The following MRTFB variants were observed in gnomAD, a reference collection of about 807,000 sequenced individuals.
MRTFB encodes the protein myocardin related transcription factor B, also known as myocardin-related transcription factor B.
Under a neutral mutation model 104.2 loss-of-function variants are expected in MRTFB, and 29 were observed. The ratio of observed to expected loss-of-function variants is 0.28; its 90% CI spans 0.21 to 0.38. MRTFB has a LOEUF of 0.38. MRTFB is among the 10% of genes least tolerant of loss of function. The pLI, the probability that MRTFB is intolerant of heterozygous loss-of-function variation, is 1.00. For missense variants in MRTFB, 1,270 were observed against 1,341.6 expected (o/e 0.95, Z 0.83); for synonymous variants, 535 against 519.5 (o/e 1.03, Z -0.41).
chr16:14,076,477 G>A (rs781292860), intron 1 of MRTFB, among the ~76,000 whole-genome samples: 23 of 152,194 alleles, frequency 1.5e-4, no homozygotes, highest in Non-Finnish European at 2.8e-4. Flanking sequence ...TTACAGGCAT[G>A]AGCTACTGCA....
At chr16:14,034,868 A>G in the MRTFB span, among the ~76,000 whole-genome samples, 1 of 152,124 alleles carries the variant, frequency 6.6e-6, no homozygotes, top group Non-Finnish European at 1.5e-5. Context: ...AGGCCTGTTC[A>G]GCAACTAGGA....
At chr16:14,011,950 C>T in the MRTFB span, among the ~76,000 whole-genome samples, 3 of 152,124 alleles carry the variant, frequency 2.0e-5, no homozygotes, top group African/African-American at 7.2e-5. Flanking sequence ...TGGGAATTGC[C>T]CTTGGACAGG....
chr16:14,196,972 T>C (rs908822602), intron 3 of MRTFB, among the ~76,000 whole-genome samples: 40 of 139,888 alleles, frequency 2.9e-4, no homozygotes, highest in African/African-American at 8.4e-4. Context: ...TTCTTTTTTT[T>C]TTTTTTTTTT....
intron 3 of MRTFB, among the ~76,000 whole-genome samples, chr16:14,176,213 C>T (rs1472280569): frequency 3.9e-5 from 6 of 152,128 alleles, no homozygotes; most frequent in African/African-American, 9.7e-5. Context: ...GCCTGGACTG[C>T]TAAATACAAG....
chr16:14,078,106 G>A (rs781574237), intron 1 of MRTFB, among the ~76,000 whole-genome samples: 2 of 151,942 alleles, frequency 1.3e-5, no homozygotes, highest in African/African-American at 2.4e-5. Context: ...ATAGTGCTAC[G>A]TAATTCTGCC....
chr16:14,186,793 G>C (rs534809397), intron 3 of MRTFB: 2 of 1,545,988 alleles, frequency 1.3e-6, no homozygotes, highest in African/African-American at 2.8e-5. Flanking sequence ...GCCAGTGATT[G>C]GGGTATTGTG....
intron 3 of MRTFB, among the ~76,000 whole-genome samples, chr16:14,162,360 G>GT (rs201434158): frequency 0.088 from 13,401 of 151,444 alleles, 1,218 homozygotes; most frequent in African/African-American, 0.23. Context: ...AAGATGATGG[G>GT]TTTTTTTTAA....
chr16:14,124,340 G>A (rs1195450518), intron 2 of MRTFB, among the ~76,000 whole-genome samples: 2 of 152,108 alleles, frequency 1.3e-5, no homozygotes, highest in East Asian at 3.8e-4. Context: ...CTTGTCTTGT[G>A]CCAGTTTTCA....
the MRTFB span, among the ~76,000 whole-genome samples, chr16:14,009,004 A>C: frequency 1.5e-5 from 2 of 135,562 alleles, no homozygotes; most frequent in Non-Finnish European, 3.3e-5. Flanking sequence ...GCTGGAGTAC[A>C]GTGGCCAGAT....
chr16:14,156,554 C>G (rs1022582565), intron 3 of MRTFB, among the ~76,000 whole-genome samples: 21 of 152,274 alleles, frequency 1.4e-4, no homozygotes, highest in African/African-American at 3.4e-4. Context: ...ATAGAAGATA[C>G]CGTGCTAGGG....
intron 3 of MRTFB, chr16:14,192,000 T>C (rs963057263): frequency 6.6e-6 from 1 of 152,234 alleles, no homozygotes; most frequent in Admixed American, 6.5e-5. Context: ...TTGATTTCTT[T>C]TGGAATGTCT....
At chr16:14,248,190 C>T (rs931448588) in intron 12 of MRTFB, 6 of 152,192 alleles carry the variant, frequency 3.9e-5, no homozygotes, top group East Asian at 1.9e-4. Context: ...ATGTATTTAC[C>T]GTGTCATGCA....
At chr16:14,052,873 C>T in the MRTFB span, among the ~76,000 whole-genome samples, 4 of 152,168 alleles carry the variant, frequency 2.6e-5, no homozygotes, top group African/African-American at 9.7e-5. Context: ...CCAACCTGTC[C>T]TCATCCCCAC....
At chr16:14,082,847 C>A (rs1335677386) in intron 2 of MRTFB, among the ~76,000 whole-genome samples, 1 of 152,028 alleles carries the variant, frequency 6.6e-6, no homozygotes, top group East Asian at 1.9e-4. Flanking sequence ...TGTTCATATC[C>A]TTTGGTAGTT....
At chr16:14,002,473 A>G in the MRTFB span, among the ~76,000 whole-genome samples, 2 of 146,952 alleles carry the variant, frequency 1.4e-5, no homozygotes, top group African/African-American at 5.0e-5. Flanking sequence ...AATTAAAACA[A>G]CTGAAAACAA....
At chr16:14,242,489 C>T (rs552742466) in intron 10 of MRTFB, among the ~76,000 whole-genome samples, 4 of 152,262 alleles carry the variant, frequency 2.6e-5, no homozygotes, top group South Asian at 2.1e-4. Flanking sequence ...TGTTTCCTAA[C>T]GCATTGTTTA....
chr16:13,997,631 C>CA, the MRTFB span, among the ~76,000 whole-genome samples: 41,876 of 142,192 alleles, frequency 0.29, 7,171 homozygotes, highest in African/African-American at 0.49. Context: ...CTATCTGTAC[C>CA]AAAAAAAAAA....
intron 2 of MRTFB, among the ~76,000 whole-genome samples, chr16:14,102,793 G>T (rs1041983486): frequency 6.6e-6 from 1 of 152,180 alleles, no homozygotes; most frequent in Non-Finnish European, 1.5e-5. Context: ...ATGCCTTGGA[G>T]TTTAATAATA....
intron 2 of MRTFB, among the ~76,000 whole-genome samples, chr16:14,112,132 G>A (rs200075165): frequency 1.5e-5 from 2 of 135,810 alleles, no homozygotes; most frequent in Admixed American, 7.7e-5. Flanking sequence ...AAGAAACAAT[G>A]GGGTTTAAAT....
Sources: allele counts gnomAD v4.1 joint callset (sites outside exome capture counted in the v4.1 genomes callset), GRCh38; gene constraint gnomAD v4.1.1; transcripts MANE v1.5; gene names NCBI Gene and HGNC (gene_info 2026-07-23, HGNC 2026-07-21).